PSMB2: variants seen among roughly 807,000 people sequenced by gnomAD.
The protein encoded by PSMB2 is proteasome subunit beta type-2.
PSMB2 carries 13 observed loss-of-function variants against 25.7 expected under a neutral mutation model. The observed-to-expected ratio is 0.51, with a 90% CI of 0.33 to 0.80. The LOEUF (loss-of-function observed/expected upper bound fraction) is 0.80, where lower values mean the gene tolerates loss of function less well. Among genes scored for constraint, PSMB2 ranks in the 30% least tolerant of loss-of-function variants. The pLI, the probability that PSMB2 is intolerant of heterozygous loss-of-function variation, is 0.02. For missense variants in PSMB2, 202 were observed against 259.0 expected (o/e 0.78, Z 1.51); for synonymous variants, 87 against 96.2 (o/e 0.90, Z 0.56).
chr1:35,638,223 T>A (rs939947792), intron 1 of PSMB2, among the ~76,000 whole-genome samples: 1 of 152,128 alleles, frequency 6.6e-6, no homozygotes. Context: ...GCAACATATT[T>A]AATAAAAACA....
chr1:35,604,734 C>T (rs550811642), intron 5 of PSMB2, among the ~76,000 whole-genome samples: 11 of 152,272 alleles, frequency 7.2e-5, no homozygotes, highest in South Asian at 2.1e-4. Context: ...GAGCTGAAAT[C>T]GTGCCACTGC....
chr1:35,608,678 C>T (rs1167168942), intron 4 of PSMB2, among the ~76,000 whole-genome samples: 4 of 152,160 alleles, frequency 2.6e-5, no homozygotes, highest in South Asian at 2.1e-4. Context: ...TGACGCTTTA[C>T]GGACAAGTAG....
intron 3 of PSMB2, among the ~76,000 whole-genome samples, chr1:35,611,203 C>T (rs935033833): frequency 2.0e-5 from 3 of 152,212 alleles, no homozygotes; most frequent in Non-Finnish European, 4.4e-5. Context: ...ATTAAACGCA[C>T]AGTAAGTGAG....
chr1:35,638,158 A>C (rs1651297132), intron 1 of PSMB2, among the ~76,000 whole-genome samples: 1 of 152,216 alleles, frequency 6.6e-6, no homozygotes, highest in Non-Finnish European at 1.5e-5. Flanking sequence ...AATTAGCTTA[A>C]TACAAGGCCA....
chr1:35,609,409 C>T lies in PSMB2; in HGVS notation c.286-1G>A. The stretch of plus-strand genomic sequence containing the variant: ...GGAGGAGGTTCACATGATATGGGGT[C>T]TGCAAAGAAAAGATATGGCAAAGTG... On this transcript the variant is annotated splice_acceptor_variant, in intron 3 of 5. Coordinates refer to ENST00000373237, the MANE Select transcript of PSMB2 (RefSeq NM_002794.5). LOFTEE classifies it high-confidence loss of function. 1 of 1,514,178 alleles carries T rather than the reference C, an allele frequency of 6.6e-7. No homozygotes were observed. The highest frequency in any genetic ancestry group is 8.9e-7 in the Non-Finnish European group (1 of 1,124,776). 93.8% of individuals were successfully genotyped at this position (1,514,178 alleles called of 1,614,324 possible). A position where few individuals can be genotyped will look rare whatever the true frequency, so the allele number is the denominator to read the frequency against.
chr1:35,622,747 G>C (rs563541192), intron 3 of PSMB2, among the ~76,000 whole-genome samples: 1 of 151,658 alleles, frequency 6.6e-6, no homozygotes, highest in Non-Finnish European at 1.5e-5. Flanking sequence ...ACAGGGAAGG[G>C]GAGGGGGAGG....
At chr1:35,606,229 G>A (rs1053264494) in intron 4 of PSMB2, among the ~76,000 whole-genome samples, 2 of 152,106 alleles carry the variant, frequency 1.3e-5, no homozygotes, top group African/African-American at 4.8e-5. Context: ...GGAGGAAATA[G>A]AGTACCCCAA....
At position 35,616,013 on chromosome 1, in the gene PSMB2, T is replaced by C. The variant is rs548365052; in HGVS notation, c.286-6605A>G. 3.9e-5 allele frequency among the ~76,000 whole-genome samples: 6 copies of C among 152,220 alleles called. No homozygotes were observed. In the South Asian group the frequency reaches 1.2e-3, roughly 31 times the overall value. Reference sequence around the variant, plus strand: ...ATTGTCAAAACTGCCTAAAATTCCATCTTTAGCACTGAGAGGATTTCATGA... The same window carrying C: ...ATTGTCAAAACTGCCTAAAATTCCACCTTTAGCACTGAGAGGATTTCATGA... On this transcript the variant is annotated intron_variant, in intron 3 of 5. Transcript: ENST00000373237.
At chr1:35,633,408 A>G (rs1351419851) in intron 2 of PSMB2, among the ~76,000 whole-genome samples, 7 of 152,138 alleles carry the variant, frequency 4.6e-5, no homozygotes, top group African/African-American at 1.7e-4. Context: ...TAACTTATAT[A>G]AGAATTACTA....
At chr1:35,640,602 C>T (rs1571145832) in intron 1 of PSMB2, among the ~76,000 whole-genome samples, 1 of 152,084 alleles carries the variant, frequency 6.6e-6, no homozygotes, top group South Asian at 2.1e-4. Context: ...CTTATGCCGC[C>T]AACAAACTAA....
At chr1:35,610,484 T>C (rs1254811653) in intron 3 of PSMB2, among the ~76,000 whole-genome samples, 1 of 152,040 alleles carries the variant, frequency 6.6e-6, no homozygotes, top group Non-Finnish European at 1.5e-5. Context: ...AGTAAGTCTC[T>C]TTCTTTGTTG....
At chr1:35,605,957 T>C (rs1376498205) in intron 4 of PSMB2, among the ~76,000 whole-genome samples, 1 of 152,210 alleles carries the variant, frequency 6.6e-6, no homozygotes, top group East Asian at 1.9e-4. Flanking sequence ...CCTGGAGCTC[T>C]AGCGTGGCTA....
At chr1:35,616,818 G>T (rs1650503721) in intron 3 of PSMB2, among the ~76,000 whole-genome samples, 1 of 151,904 alleles carries the variant, frequency 6.6e-6, no homozygotes, top group Non-Finnish European at 1.5e-5. Flanking sequence ...TATCTTTTTT[G>T]GGTGGGTTTG....
chr1:35,630,004 C>T (rs924777839), intron 3 of PSMB2, among the ~76,000 whole-genome samples: 1 of 151,790 alleles, frequency 6.6e-6, no homozygotes, highest in African/African-American at 2.4e-5. Context: ...GGAGAAACCC[C>T]GTGTCTGCTA....
intron 3 of PSMB2, among the ~76,000 whole-genome samples, chr1:35,628,629 A>AT (rs1401010119): frequency 4.6e-5 from 2 of 43,596 alleles, no homozygotes; most frequent in African/African-American, 2.2e-4. Flanking sequence ...ATATATATAT[A>AT]TATTTTTTTT....
chr1:35,631,485 C>T, intron 2 of PSMB2, 141 bp from the exon 3 acceptor site: 1 of 1,473,726 alleles, frequency 6.8e-7, no homozygotes, highest in Non-Finnish European at 9.0e-7. Flanking sequence ...GGGGTACAAT[C>T]CTACTCTAGT....
At position 35,634,811 on chromosome 1, in the gene PSMB2, T is replaced by G. The variant is rs374213026; in HGVS notation, c.214+1499A>C. On this transcript the variant is annotated intron_variant, in intron 2 of 5. Transcript: ENST00000373237. The stretch of plus-strand genomic sequence containing the variant: ...TTGGTTGGTTTAAAAAAATTTTTTT[T>G]AGAGACAGAGTCTTGCTGCCTTCCA... Among the ~76,000 whole-genome samples the G allele has an allele frequency of 3.2e-3, 487 of 151,902 alleles. 2 individuals are homozygous for G. Among genetic ancestry groups the G allele is most frequent in the Non-Finnish European group, 4.5e-3 (303 of 67,938 alleles).
Position 35,601,886 on chromosome 1 carries a change from T to G in PSMB2, c.*1381A>C, listed in dbSNP as rs1650012202. 1 of 985,332 alleles carries G rather than the reference T, an allele frequency of 1.0e-6. No homozygotes were observed. Among genetic ancestry groups the G allele is most frequent in the South Asian group, 4.7e-5 (1 of 21,292 alleles). 61.0% of individuals were successfully genotyped at this position (985,332 alleles called of 1,614,324 possible). On this transcript the variant is annotated 3_prime_UTR_variant, in exon 6 of 6. Coordinates refer to ENST00000373237, the MANE Select transcript of PSMB2 (RefSeq NM_002794.5). ...TCCACATTGTTCCCTAAAGTTATGC[T>G]AAGAGTAAAACGAGTAACTGGTTAA...
At chr1:35,619,471 G>A (rs1412246946) in intron 3 of PSMB2, among the ~76,000 whole-genome samples, 1 of 152,228 alleles carries the variant, frequency 6.6e-6, no homozygotes, top group African/African-American at 2.4e-5. Flanking sequence ...TGCCCCATCT[G>A]TAATGTGGAG....
Sources: allele counts gnomAD v4.1 joint callset (sites outside exome capture counted in the v4.1 genomes callset), GRCh38; gene constraint gnomAD v4.1.1; transcripts MANE v1.5; gene names NCBI Gene and HGNC (gene_info 2026-07-23, HGNC 2026-07-21).